SAMD13: variants seen among roughly 807,000 people sequenced by gnomAD.
The protein encoded by SAMD13 is sterile alpha motif domain containing 13.
Under a neutral mutation model 12.4 loss-of-function variants are expected in SAMD13, and 9 were observed. That is an observed-to-expected ratio of 0.72 (90% CI 0.44 to 1.26). The LOEUF is 1.26. SAMD13 is among the 50% of genes most tolerant of loss of function. The pLI, the probability that SAMD13 is intolerant of heterozygous loss-of-function variation, is 0.00. For synonymous variants in SAMD13, 46 were observed against 45.4 expected (o/e 1.01, Z -0.05); for missense variants, 84 against 119.6 (o/e 0.70, Z 1.39).
chr1:84,326,067 A>G (rs187668103), intron 3 of SAMD13, among the ~76,000 whole-genome samples: 1 of 152,294 alleles, frequency 6.6e-6, no homozygotes, highest in Non-Finnish European at 1.5e-5. Context: ...AACACACTAG[A>G]AAGCAGGAAA....
At chr1:84,304,431 A>G (rs932320803) in intron 2 of SAMD13, among the ~76,000 whole-genome samples, 3 of 152,288 alleles carry the variant, frequency 2.0e-5, no homozygotes, top group African/African-American at 7.2e-5. Flanking sequence ...TACGAAGAAT[A>G]TGAAATGTGA....
intron 3 of SAMD13, among the ~76,000 whole-genome samples, chr1:84,334,513 C>A (rs369680156): frequency 6.6e-6 from 1 of 152,070 alleles, no homozygotes; most frequent in African/African-American, 2.4e-5. Flanking sequence ...ACCAACCCCT[C>A]GATTTGTTCA....
At chr1:84,312,412 A>T (rs1379634260) in intron 2 of SAMD13, among the ~76,000 whole-genome samples, 1 of 151,416 alleles carries the variant, frequency 6.6e-6, no homozygotes, top group Non-Finnish European at 1.5e-5. Flanking sequence ...AAATTTTTCT[A>T]TGCTTATTTT....
intron 2 of SAMD13, among the ~76,000 whole-genome samples, chr1:84,306,856 A>ATAATAAT (rs1553199897): frequency 1.9e-3 from 265 of 141,830 alleles, no homozygotes; most frequent in African/African-American, 6.5e-3. Context: ...AATAATAATA[A>ATAATAAT]AATAAAATAA....
intron 2 of SAMD13, among the ~76,000 whole-genome samples, chr1:84,306,984 A>G (rs1678593598): frequency 1.3e-5 from 2 of 151,830 alleles, no homozygotes; most frequent in Admixed American, 6.6e-5. Context: ...TCTCTTTATC[A>G]TTGGTGTCTT....
chr1:84,331,693 A>C (rs1679190143), intron 3 of SAMD13, among the ~76,000 whole-genome samples: 1 of 152,210 alleles, frequency 6.6e-6, no homozygotes, highest in Non-Finnish European at 1.5e-5. Context: ...ATAAGAAAGC[A>C]GCCAAGAAAA....
upstream of SAMD13, among the ~76,000 whole-genome samples, chr1:84,300,457 C>A (rs537975498): frequency 1.1e-3 from 164 of 152,238 alleles, no homozygotes; most frequent in Non-Finnish European, 2.1e-3. Context: ...CTCCTAATGT[C>A]CTAAAAGATT....
At chr1:84,332,388 C>T (rs892317483) in intron 3 of SAMD13, among the ~76,000 whole-genome samples, 7 of 152,170 alleles carry the variant, frequency 4.6e-5, no homozygotes, top group Admixed American at 1.3e-4. Flanking sequence ...TAAGCAACCT[C>T]ACCAGCATCT....
chr1:84,335,745 A>G (rs72942082), intron 3 of SAMD13, among the ~76,000 whole-genome samples: 2,988 of 152,290 alleles, frequency 0.02, 102 homozygotes, highest in African/African-American at 0.068. Flanking sequence ...GTCTAGTGGT[A>G]ACTAATTCCC....
intron 3 of SAMD13, among the ~76,000 whole-genome samples, chr1:84,338,432 C>CTT (rs201864672): frequency 0.01 from 1,024 of 100,604 alleles, 15 homozygotes; most frequent in African/African-American, 0.013. Flanking sequence ...ACTCATCTCT[C>CTT]TTTTTTTTTT....
chr1:84,349,834 G>A lies in SAMD13; in HGVS notation c.*60G>A. The A allele has an allele frequency of 6.4e-7, 1 of 1,561,010 alleles. No homozygotes were observed. The highest frequency in any genetic ancestry group is 8.7e-7 in the Non-Finnish European group (1 of 1,155,822). On this transcript the variant is annotated 3_prime_UTR_variant, in exon 4 of 4. Coordinates refer to ENST00000394834, the MANE Select transcript of SAMD13 (RefSeq NM_001134663.2). Reference sequence around the variant, plus strand: ...ACATAATGACATAATTTAGTTTCATGTAATGAAACTTTGTAAACAGAATAC... The same window carrying A: ...ACATAATGACATAATTTAGTTTCATATAATGAAACTTTGTAAACAGAATAC...
Position 84,325,704 on chromosome 1 carries a change from C to T in SAMD13, c.121C>T (p.Arg41Ter), listed in dbSNP as rs749289486. 2.0e-5 allele frequency: 32 copies of T among 1,613,386 alleles called. No homozygotes were observed. The highest frequency in any genetic ancestry group is 5.5e-5 in the South Asian group (5 of 91,048). ...CGTGATGGATGTCGTCAATTATTTC[C>T]GAACCGTGGGATTTGAGGAGCAAGC... ...WAVMDVVNYF[R>*]TVGFEEQASA... is the part of the protein sequence containing the mutation. Residue 41 changes from arginine to a stop codon, truncating the protein, a stop_gained, in exon 3 of 4, where the codon CGA (arginine) becomes TGA (stop). Coordinates refer to ENST00000394834, the MANE Select transcript of SAMD13 (RefSeq NM_001134663.2). LOFTEE classifies it high-confidence loss of function.
intron 2 of SAMD13, among the ~76,000 whole-genome samples, chr1:84,306,619 G>A: frequency 9.1e-6 from 1 of 109,656 alleles, no homozygotes; most frequent in African/African-American, 3.5e-5. Flanking sequence ...GCCAACATGT[G>A]AAACCCCATC....
At chr1:84,349,082 G>A (rs1679594373) in intron 3 of SAMD13, among the ~76,000 whole-genome samples, 1 of 152,144 alleles carries the variant, frequency 6.6e-6, no homozygotes. Flanking sequence ...AGCAGAGGGG[G>A]ATTATAAAAA....
upstream of SAMD13, chr1:84,299,659 ATATATAT>A: frequency 1.2e-6 from 1 of 816,966 alleles, no homozygotes; most frequent in Non-Finnish European, 1.6e-6. Flanking sequence ...GTACTAGTGT[ATATATAT>A]ATATATATAT....
rs1028208690 is a variant in SAMD13, at chr1:84,325,662, G to T, written c.79G>T (p.Asp27Tyr). 30 of 1,612,930 alleles carry T rather than the reference G, an allele frequency of 1.9e-5. No homozygotes were observed. The highest frequency in any genetic ancestry group is 2.5e-5 in the Non-Finnish European group (30 of 1,179,164). The change falls in exon 3 of 4, where the codon GAT becomes TAT. Residue 27 changes from aspartate to tyrosine, a missense_variant. Coordinates refer to ENST00000394834, the MANE Select transcript of SAMD13 (RefSeq NM_001134663.2). ...TTCCATGGAAAATGGGAGACCACCT[G>T]ATCCTGCAGACTGGGCCGTGATGGA... ...KNSMENGRPP[D>Y]PADWAVMDVV... is the part of the protein sequence containing the mutation.
At chr1:84,338,265 C>A (rs971741402) in intron 3 of SAMD13, among the ~76,000 whole-genome samples, 1 of 152,026 alleles carries the variant, frequency 6.6e-6, no homozygotes, top group Non-Finnish European at 1.5e-5. Flanking sequence ...AAAGACATAT[C>A]CAAGACTGGG....
chr1:84,325,505 T>C (rs972679156), intron 2 of SAMD13, 132 bp from the exon 3 acceptor site: 42 of 635,086 alleles, frequency 6.6e-5, no homozygotes, highest in Non-Finnish European at 1.1e-4. Flanking sequence ...TAGCAGTGAC[T>C]AAGCCAGTGA....
At chr1:84,316,992 T>G (rs751498550) in intron 2 of SAMD13, among the ~76,000 whole-genome samples, 1 of 152,138 alleles carries the variant, frequency 6.6e-6, no homozygotes, top group Non-Finnish European at 1.5e-5. Flanking sequence ...CCTAATTTCC[T>G]TTGCAGATAG....
Sources: gnomAD v4.1 joint callset for allele counts (sites outside exome capture counted in the v4.1 genomes callset) on GRCh38, gnomAD v4.1.1 for gene constraint, MANE v1.5 for transcripts, NCBI Gene and HGNC (gene_info 2026-07-23, HGNC 2026-07-21) for gene names.